NLE1: variants seen among roughly 807,000 people sequenced by gnomAD.
NLE1 encodes notchless protein homolog 1.
NLE1 carries 37 observed loss-of-function variants against 62.8 expected under a neutral mutation model. The ratio of observed to expected loss-of-function variants is 0.59; its 90% CI spans 0.45 to 0.78. The LOEUF is 0.78. NLE1 is among the 30% of genes least tolerant of loss of function. The pLI is 0.00. For missense variants in NLE1, 555 were observed against 637.9 expected, an observed-to-expected ratio of 0.87 and a Z score of 1.40; for synonymous variants, 243 against 253.0, an observed-to-expected ratio of 0.96 and a Z score of 0.37.
Position 35,130,682 on chromosome 17 carries a change from A to C in NLE1, c.*1755T>G. 1 of 505,440 alleles carries C rather than the reference A, an allele frequency of 2.0e-6. No individual in the cohort carries two copies. The highest frequency in any genetic ancestry group is 3.5e-6 in the Non-Finnish European group (1 of 282,476). The allele number at this position is 505,440 out of a possible 1,614,324, so 31.3% of individuals were successfully genotyped here. The stretch of plus-strand genomic sequence containing the variant: ...AGCTGCTAGACTCCCTCCTCCTCCA[A>C]ATCTGGGCTGGGTCTAGGTCCCTCA... On this transcript the variant is annotated 3_prime_UTR_variant, in exon 13 of 13. Coordinates refer to ENST00000442241, the MANE Select transcript of NLE1 (RefSeq NM_018096.5).
In NLE1 at chr17:35,135,455, G is replaced by A. The variant is rs2091902802; in HGVS notation, c.1012-4C>T. 3.1e-6 allele frequency: 5 copies of A among 1,613,904 alleles called. No individual in the cohort carries two copies. Among genetic ancestry groups the A allele is most frequent in the Non-Finnish European group, 4.2e-6 (5 of 1,179,896 alleles). On this transcript the variant is annotated splice_region_variant and splice_polypyrimidine_tract_variant and intron_variant, in intron 9 of 12. Coordinates refer to ENST00000442241, the MANE Select transcript of NLE1 (RefSeq NM_018096.5). ...CCAGCCTCTCTGGACCCTGGCCCTA[G>A]GGGAGGCAGAAAGCACACTGTGTTG...
chr17:35,139,127 G>A (rs2091927199), intron 4 of NLE1, 108 bp downstream of exon 4: 1 of 896,326 alleles, frequency 1.1e-6, no homozygotes, highest in Non-Finnish European at 1.7e-6. Context: ...TTGAGCCCAG[G>A]AGTTCAAGTG....
At position 35,132,259 on chromosome 17, in the gene NLE1, C is replaced by A; in HGVS notation, c.*178G>T. ...TTCTGGCTCTGGGGTGTGCCACAGG[C>A]GGGGATCTGTGGGAAAACCCCATTC... On this transcript the variant is annotated 3_prime_UTR_variant, in exon 13 of 13. Coordinates refer to ENST00000442241, the MANE Select transcript of NLE1 (RefSeq NM_018096.5). The A allele has an allele frequency of 4.6e-6, 2 of 438,344 alleles. No homozygotes were observed. Among genetic ancestry groups the A allele is most frequent in the South Asian group, 8.5e-5 (1 of 11,816 alleles). The allele number at this position is 438,344 out of a possible 1,614,324, so 27.2% of individuals were successfully genotyped here. A position where few individuals can be genotyped will look rare whatever the true frequency, so the allele number is the denominator to read the frequency against.
At position 35,142,249 on chromosome 17, in the gene NLE1, C is replaced by T; in HGVS notation, c.18+9G>A. 2.6e-6 allele frequency: 4 copies of T among 1,549,840 alleles called. No individual in the cohort carries two copies. Among genetic ancestry groups the T allele is most frequent in the Non-Finnish European group, 2.6e-6 (3 of 1,149,764 alleles). On this transcript the variant is annotated intron_variant, in intron 1 of 12. Coordinates refer to ENST00000442241, the MANE Select transcript of NLE1 (RefSeq NM_018096.5). ...GCGACGCCCCCCGCCCCCATCCACG[C>T]ACACCCACCGGCACTGCTGCCGCCA... is the stretch of plus-strand genomic sequence containing the variant.
chr17:35,134,628 G>A (rs1217884886), intron 10 of NLE1, among the ~76,000 whole-genome samples: 1 of 152,130 alleles, frequency 6.6e-6, no homozygotes, highest in Non-Finnish European at 1.5e-5. Flanking sequence ...TCGAACTCCT[G>A]AACTCAGGTG....
chr17:35,142,164 C>CTT, intron 1 of NLE1, 42 bp from the exon 2 acceptor site: 1 of 1,605,200 alleles, frequency 6.2e-7, no homozygotes, highest in Non-Finnish European at 8.5e-7. Flanking sequence ...GGTCGCCCGC[C>CTT]CAGAAGGGCC....
chr17:35,139,877 T>C lies in NLE1; in HGVS notation c.352A>G (p.Ile118Val). Residue 118 changes from isoleucine (I) to valine (V), a missense_variant, in exon 3 of 13, where the codon ATT (isoleucine) becomes GTT (valine). Ile to Val is a conservative substitution (Grantham distance 29). Transcript: ENST00000442241. ...SSLEGHSEAV[I>V]SVAFSPTGKY... ...CCCGTAGGGCTGAAGGCCACAGAAATGACTGCCTCACTGTGACCCTCCAAG... is the reference window on the plus strand; with the variant it reads ...CCCGTAGGGCTGAAGGCCACAGAAACGACTGCCTCACTGTGACCCTCCAAG... 1.9e-6 allele frequency: 3 copies of C among 1,613,644 alleles called. No individual in the cohort carries two copies. Among genetic ancestry groups the C allele is most frequent in the Non-Finnish European group, 2.5e-6 (3 of 1,180,024 alleles).
Position 35,129,470 on chromosome 17 carries a change from C to T in NLE1, c.*2967G>A, listed in dbSNP as rs756566725. 8.7e-6 allele frequency: 14 copies of T among 1,614,080 alleles called. No individual in the cohort carries two copies. The South Asian group carries it at 1.2e-4, about 14-fold the overall frequency. ...CAAGCAGCCGGTCAGTTTCTACCAGCTCCTGTTACAGGAGGTGGCCAAGAC... is the reference window on the plus strand; with the variant it reads ...CAAGCAGCCGGTCAGTTTCTACCAGTTCCTGTTACAGGAGGTGGCCAAGAC... On this transcript the variant is annotated 3_prime_UTR_variant, in exon 13 of 13. Coordinates refer to ENST00000442241, the MANE Select transcript of NLE1 (RefSeq NM_018096.5).
chr17:35,140,471 C>T (rs1299778055), intron 2 of NLE1, among the ~76,000 whole-genome samples: 3 of 152,040 alleles, frequency 2.0e-5, no homozygotes, highest in Non-Finnish European at 4.4e-5. Flanking sequence ...TCAGGTGATC[C>T]ACCTGCCTCG....
At chr17:35,141,889 G>C (rs1443531638) in intron 2 of NLE1, 90 bp downstream of exon 2, 2 of 1,403,278 alleles carry the variant, frequency 1.4e-6, no homozygotes, top group East Asian at 2.5e-5. Flanking sequence ...GTTAGCGGGG[G>C]ACCATGAACC....
chr17:35,135,949 TG>T (rs1249039594), intron 9 of NLE1, among the ~76,000 whole-genome samples: 1 of 152,164 alleles, frequency 6.6e-6, no homozygotes, highest in Non-Finnish European at 1.5e-5. Context: ...ATGTTGGAAA[TG>T]TAATAAATAG....
chr17:35,138,187 C>T (rs1463534717), intron 4 of NLE1, among the ~76,000 whole-genome samples: 1 of 152,196 alleles, frequency 6.6e-6, no homozygotes, highest in Admixed American at 6.5e-5. Context: ...AGCTATGGAG[C>T]AAAGCAAGAA....
At chr17:35,133,051 A>C in intron 12 of NLE1, 120 bp downstream of exon 12, 1 of 1,004,300 alleles carries the variant, frequency 1.0e-6, no homozygotes, top group Non-Finnish European at 1.6e-6. Flanking sequence ...ACGCCTCCTC[A>C]AGACAGTCTG....
intron 6 of NLE1, 132 bp downstream of exon 6, chr17:35,137,411 C>A: frequency 1.2e-6 from 1 of 851,464 alleles, no homozygotes; most frequent in Non-Finnish European, 1.8e-6. Context: ...TTCTCCCATG[C>A]CTGCCAAGCC....
At position 35,133,355 on chromosome 17, in the gene NLE1, G is replaced by A; in HGVS notation, c.1358C>T (p.Pro453Leu). 1 of 1,614,132 alleles carries A rather than the reference G, an allele frequency of 6.2e-7. No homozygotes were observed. The highest frequency in any genetic ancestry group is 8.5e-7 in the Non-Finnish European group (1 of 1,180,028). ...TGGCCCTACCTCATCCGCGTGGCCG[G>A]GCAGGTCCATGGCCAGCTTCTGGGC... ...VKAQKLAMDLPGHADEVYAVD... is the reference protein window; with the variant it reads ...VKAQKLAMDLLGHADEVYAVD... The change falls in exon 11 of 13, where the codon CCC (proline) becomes CTC (leucine). Residue 453 changes from proline (P) to leucine (L), a missense_variant. Physicochemically the swap from Pro to Leu is moderately conservative, Grantham distance 98. Transcript: ENST00000442241.
rs3736146 is a variant in NLE1 at position 35,130,678 on chromosome 17, T to C, written c.*1759A>G. ...CCACAGCTGCTAGACTCCCTCCTCC[T>C]CCAAATCTGGGCTGGGTCTAGGTCC... On this transcript the variant is annotated 3_prime_UTR_variant, in exon 13 of 13. Coordinates refer to ENST00000442241, the MANE Select transcript of NLE1 (RefSeq NM_018096.5). 6,068 of 514,214 alleles carry C rather than the reference T, an allele frequency of 0.012. 250 individuals carry two copies. Among genetic ancestry groups the C allele is most frequent in the East Asian group, 0.11 (3,337 of 30,314 alleles). 31.9% of individuals were successfully genotyped at this position (514,214 alleles called of 1,614,324 possible).
At chr17:35,135,586 G>A in intron 9 of NLE1, 135 bp from the exon 10 acceptor site, 1 of 745,120 alleles carries the variant, frequency 1.3e-6, no homozygotes, top group Non-Finnish European at 2.2e-6. Flanking sequence ...GAGCAATGAG[G>A]ACTGGCTTGG....
At chr17:35,138,455 T>C (rs540582870) in intron 4 of NLE1, among the ~76,000 whole-genome samples, 2 of 152,252 alleles carry the variant, frequency 1.3e-5, no homozygotes, top group African/African-American at 4.8e-5. Flanking sequence ...TCTCTCTCTC[T>C]CTTTCTTTCA....
chr17:35,141,951 T>G, intron 2 of NLE1, 28 bp downstream of exon 2: 1 of 1,548,050 alleles, frequency 6.5e-7, no homozygotes, highest in South Asian at 1.2e-5. Flanking sequence ...GGGGTGGAGA[T>G]GCGAGGCCGC....
Sources: gnomAD v4.1 joint callset for allele counts (sites outside exome capture counted in the v4.1 genomes callset) on GRCh38, gnomAD v4.1.1 for gene constraint, MANE v1.5 for transcripts, NCBI Gene and HGNC (gene_info 2026-07-23, HGNC 2026-07-21) for gene names.